Variants in KLF12 observed in about 807,000 individuals in gnomAD.
KLF12 encodes Krueppel-like factor 12.
A neutral mutation model predicts 37.8 loss-of-function variants in KLF12; 9 were observed. The observed-to-expected ratio is 0.24, with a 90% CI of 0.14 to 0.42. The LOEUF (loss-of-function observed/expected upper bound fraction) is 0.42. Ranked by LOEUF, KLF12 falls within the 10% of genes least tolerant of loss-of-function variation. The pLI, the probability that KLF12 is intolerant of heterozygous loss-of-function variation, is 1.00. For synonymous variants in KLF12, 208 were observed against 202.1 expected (o/e 1.03, Z -0.25); for missense variants, 411 against 516.0 (o/e 0.80, Z 1.97).
intron 3 of KLF12, among the ~76,000 whole-genome samples, chr13:73,939,355 G>A (rs1270358830): frequency 6.6e-6 from 1 of 151,996 alleles, no homozygotes; most frequent in Non-Finnish European, 1.5e-5. Flanking sequence ...CACAAAATTA[G>A]GCAGAATAAA....
chr13:74,206,307 T>C, the KLF12 span, among the ~76,000 whole-genome samples: 1 of 152,194 alleles, frequency 6.6e-6, no homozygotes, highest in Non-Finnish European at 1.5e-5. Flanking sequence ...GTGATGGCTG[T>C]GTACTACTCT....
At chr13:74,230,381 A>C in the KLF12 span, among the ~76,000 whole-genome samples, 55 of 152,292 alleles carry the variant, frequency 3.6e-4, 1 homozygote, top group South Asian at 8.3e-4. Flanking sequence ...TCTTTATAGC[A>C]GCGTGAGAAT....
rs750590488 is a variant in KLF12 at position 73,994,977 on chromosome 13, C to T, written c.33+13G>A. The T allele has an allele frequency of 2.5e-6, 4 of 1,568,798 alleles. No homozygotes were observed. The South Asian group carries it at 4.5e-5, about 17-fold the overall frequency. Reference sequence around the variant, plus strand: ...AATATTTTCAATGCAATTTTAACATCTGACTAACCAACCTTTATTGTTTTT... The same window carrying T: ...AATATTTTCAATGCAATTTTAACATTTGACTAACCAACCTTTATTGTTTTT... On this transcript the variant is annotated intron_variant, in intron 2 of 7. Transcript: ENST00000377669.
intron 4 of KLF12, among the ~76,000 whole-genome samples, chr13:73,844,107 CTT>C (rs750259085): frequency 6.6e-5 from 10 of 151,954 alleles, no homozygotes; most frequent in Non-Finnish European, 1.3e-4. Context: ...TATTAATTAA[CTT>C]TATAATAAAA....
chr13:74,201,662 G>A, the KLF12 span, among the ~76,000 whole-genome samples: 4 of 152,132 alleles, frequency 2.6e-5, no homozygotes, highest in African/African-American at 7.2e-5. Flanking sequence ...GGCGGGAACA[G>A]ATAAATGCAG....
intron 5 of KLF12, among the ~76,000 whole-genome samples, chr13:73,766,697 T>G (rs1214957526): frequency 6.6e-6 from 1 of 152,220 alleles, no homozygotes. Context: ...ACACATTTAC[T>G]TTTTATATTG....
intron 6 of KLF12, among the ~76,000 whole-genome samples, chr13:73,743,587 A>G (rs939568864): frequency 3.3e-5 from 5 of 152,234 alleles, no homozygotes; most frequent in Non-Finnish European, 5.9e-5. Flanking sequence ...TCTCCCATTC[A>G]TTAAAGTTAC....
intron 6 of KLF12, among the ~76,000 whole-genome samples, chr13:73,725,082 G>A (rs73527472): frequency 0.034 from 5,238 of 152,142 alleles, 320 homozygotes; most frequent in African/African-American, 0.12. Flanking sequence ...AAACTACAAG[G>A]TTTTAATTTT....
At chr13:73,740,497 A>G (rs1193819313) in intron 6 of KLF12, among the ~76,000 whole-genome samples, 1 of 151,684 alleles carries the variant, frequency 6.6e-6, no homozygotes, top group Non-Finnish European at 1.5e-5. Context: ...CATGTCATGG[A>G]TCCTTTAGTT....
chr13:74,046,236 A>G (rs1893539734), intron 1 of KLF12, among the ~76,000 whole-genome samples: 1 of 152,192 alleles, frequency 6.6e-6, no homozygotes, highest in African/African-American at 2.4e-5. Flanking sequence ...GATATTAGCA[A>G]CACGGGAAAC....
chr13:73,824,372 G>C (rs535015713), intron 4 of KLF12, among the ~76,000 whole-genome samples: 2 of 152,238 alleles, frequency 1.3e-5, no homozygotes, highest in East Asian at 3.9e-4. Flanking sequence ...TGGGACACTG[G>C]AAAGCAGATA....
chr13:74,149,026 G>A, the KLF12 span, among the ~76,000 whole-genome samples: 15 of 152,174 alleles, frequency 9.9e-5, no homozygotes, highest in South Asian at 2.5e-3. Context: ...TGTTGGCCAG[G>A]CTTGTCTTGA....
intron 4 of KLF12, among the ~76,000 whole-genome samples, chr13:73,817,101 G>A (rs1466667110): frequency 6.6e-6 from 1 of 152,132 alleles, no homozygotes; most frequent in Non-Finnish European, 1.5e-5. Context: ...AGGACTGCTT[G>A]AGCCCAGGAG....
the KLF12 span, among the ~76,000 whole-genome samples, chr13:74,249,294 C>T: frequency 2.6e-5 from 4 of 151,298 alleles, no homozygotes; most frequent in African/African-American, 9.7e-5. Flanking sequence ...AATGTCAACT[C>T]TTGCATTTCT....
chr13:73,759,324 C>T (rs1195971460), intron 6 of KLF12, among the ~76,000 whole-genome samples: 1 of 152,090 alleles, frequency 6.6e-6, no homozygotes, highest in Non-Finnish European at 1.5e-5. Flanking sequence ...ATAATTTTTG[C>T]TCTGTAAGTC....
intron 3 of KLF12, among the ~76,000 whole-genome samples, chr13:73,869,743 G>A (rs1385540446): frequency 1.3e-5 from 2 of 152,088 alleles, no homozygotes; most frequent in African/African-American, 2.4e-5. Context: ...CAATGACAAA[G>A]TGATAAATCA....
At chr13:74,276,927 A>G in the KLF12 span, among the ~76,000 whole-genome samples, 26 of 152,230 alleles carry the variant, frequency 1.7e-4, no homozygotes, top group Non-Finnish European at 3.2e-4. Flanking sequence ...AAGTGACTCT[A>G]TAAACTTCAG....
intron 6 of KLF12, among the ~76,000 whole-genome samples, chr13:73,752,157 A>T (rs1055988780): frequency 2.2e-4 from 33 of 151,876 alleles, no homozygotes; most frequent in African/African-American, 7.5e-4. Context: ...TAATTTTTGT[A>T]TTTTTTGTAG....
At chr13:74,296,813 G>A in the KLF12 span, among the ~76,000 whole-genome samples, 1 of 152,148 alleles carries the variant, frequency 6.6e-6, no homozygotes, top group Non-Finnish European at 1.5e-5. Context: ...GCAAATTGCT[G>A]TGTGTTATCC....
Sources: allele counts gnomAD v4.1 joint callset (sites outside exome capture counted in the v4.1 genomes callset), GRCh38; gene constraint gnomAD v4.1.1; transcripts MANE v1.5; gene names NCBI Gene and HGNC (gene_info 2026-07-23, HGNC 2026-07-21).